The following CTNNA1 variants were observed in gnomAD, a reference collection of about 807,000 sequenced individuals.
CTNNA1 encodes the protein catenin alpha-1.
CTNNA1 carries 37 observed loss-of-function variants against 98.4 expected under a neutral mutation model. That is an observed-to-expected ratio of 0.38 (90% CI 0.29 to 0.49). CTNNA1 has a LOEUF of 0.49. Ranked by LOEUF, CTNNA1 falls within the 20% of genes least tolerant of loss-of-function variation. The probability of loss-of-function intolerance (pLI) is 0.95; values close to 1 mark genes in which losing one functional copy is unlikely to be tolerated. For missense variants in CTNNA1, 761 were observed against 1,147.2 expected, an observed-to-expected ratio of 0.66 and a Z score of 4.86; for synonymous variants, 404 against 413.2, an observed-to-expected ratio of 0.98 and a Z score of 0.27.
chr5:138,807,369 C>T (rs1441254206), intron 3 of CTNNA1, among the ~76,000 whole-genome samples: 2 of 151,834 alleles, frequency 1.3e-5, no homozygotes, highest in Non-Finnish European at 2.9e-5. Flanking sequence ...CTTAACTCTG[C>T]TGCCCACATC....
chr5:138,836,755 A>G (rs1761809627), intron 7 of CTNNA1, among the ~76,000 whole-genome samples: 1 of 152,212 alleles, frequency 6.6e-6, no homozygotes, highest in Admixed American at 6.5e-5. Flanking sequence ...TGTGCTGTTT[A>G]GCCATCAAGC....
chr5:138,880,845 C>G (rs1752737477), intron 7 of CTNNA1: 1 of 337,616 alleles, frequency 3.0e-6, no homozygotes, highest in Admixed American at 3.8e-5. Flanking sequence ...TATATGCTAG[C>G]ACTTAAGGTT....
At chr5:138,853,801 T>G (rs1358004846) in intron 7 of CTNNA1, among the ~76,000 whole-genome samples, 1 of 152,236 alleles carries the variant, frequency 6.6e-6, no homozygotes, top group African/African-American at 2.4e-5. Context: ...AATTTGGTGT[T>G]TCTAGGGAAG....
intron 2 of CTNNA1, among the ~76,000 whole-genome samples, chr5:138,782,821 A>T (rs923862821): frequency 2.6e-5 from 4 of 152,244 alleles, no homozygotes; most frequent in Non-Finnish European, 4.4e-5. Flanking sequence ...ATCTCCAGAT[A>T]AAGCTAAGTT....
chr5:138,838,921 G>A (rs866053917), intron 7 of CTNNA1, among the ~76,000 whole-genome samples: 2 of 151,842 alleles, frequency 1.3e-5, no homozygotes, highest in Non-Finnish European at 2.9e-5. Context: ...GTGAGCTACC[G>A]TGCCCGGCCT....
At chr5:138,765,938 A>G (rs1752882362) in intron 1 of CTNNA1, among the ~76,000 whole-genome samples, 1 of 127,278 alleles carries the variant, frequency 7.9e-6, no homozygotes, top group African/African-American at 3.2e-5. Context: ...ATAGAGTGAG[A>G]CTCTGTCTCA....
At chr5:138,819,265 A>AG (rs1192959641) in intron 5 of CTNNA1, among the ~76,000 whole-genome samples, 2 of 152,180 alleles carry the variant, frequency 1.3e-5, no homozygotes, top group African/African-American at 4.8e-5. Flanking sequence ...GTGCAACAGC[A>AG]GCACATATCC....
chr5:138,798,300 G>C (rs1028569515), intron 3 of CTNNA1, among the ~76,000 whole-genome samples: 4 of 152,276 alleles, frequency 2.6e-5, no homozygotes, highest in Middle Eastern at 3.4e-3. Context: ...AACAGCTAGA[G>C]ATAAAACAAC....
At chr5:138,805,198 C>T (rs1269885566) in intron 3 of CTNNA1, among the ~76,000 whole-genome samples, 1 of 152,180 alleles carries the variant, frequency 6.6e-6, no homozygotes, top group Non-Finnish European at 1.5e-5. Flanking sequence ...ACTCATCTCC[C>T]ACCAGGCCCC....
rs1308839539 is a variant in CTNNA1, at chr5:138,844,004, T to A, written c.1062+16286T>A. On this transcript the variant is annotated intron_variant, in intron 7 of 17. Coordinates refer to ENST00000302763, the MANE Select transcript of CTNNA1 (RefSeq NM_001903.5). ...ATTGCCTATTCATCTAGGCATTCCA[T>A]TGTGCAATTCTTAAGGCTTTTTTTG... 2.0e-5 allele frequency among the ~76,000 whole-genome samples: 3 copies of A among 152,314 alleles called. No individual in the cohort carries two copies. The East Asian group carries it at 5.8e-4, about 29-fold the overall frequency.
rs1369656663 is a variant in CTNNA1, at chr5:138,783,194, C to T, written c.123C>T (p.Asn41=). 3 of 1,610,274 alleles carry T rather than the reference C, an allele frequency of 1.9e-6. No individual in the cohort carries two copies. Among genetic ancestry groups the T allele is most frequent in the South Asian group, 1.1e-5 (1 of 90,456 alleles). The stretch of plus-strand genomic sequence containing the variant: ...ACTTTTAGGTTACAACCCTTGTAAA[C>T]ACCAATAGTAAAGGGCCCTCTAATA... ...PLVTQVTTLV[N]TNSKGPSNKK... Residue 41 remains asparagine, a synonymous_variant, in exon 3 of 18, where the codon AAC becomes AAT. Coordinates refer to ENST00000302763, the MANE Select transcript of CTNNA1 (RefSeq NM_001903.5).
At position 138,924,616 on chromosome 5, in the gene CTNNA1, G is replaced by C; in HGVS notation, c.1653G>C (p.Arg551=). Residue 551 remains arginine (R), a synonymous_variant, in exon 12 of 18, where the codon CGG becomes CGC. Transcript: ENST00000302763. ...GTGCAATTCGAGGCCGGGCAGCCCG[G>C]GTCATTCACGTAGTCACCTCAGAGA... is the stretch of plus-strand genomic sequence containing the variant. ...TAGAIRGRAA[R]VIHVVTSEMD... is the part of the protein sequence containing the mutation. The C allele has an allele frequency of 6.2e-7, 1 of 1,613,758 alleles. No individual in the cohort carries two copies. The highest frequency in any genetic ancestry group is 8.5e-7 in the Non-Finnish European group (1 of 1,179,878).
intron 10 of CTNNA1, among the ~76,000 whole-genome samples, chr5:138,907,433 A>C (rs569585479): frequency 2.9e-4 from 44 of 152,222 alleles, no homozygotes; most frequent in African/African-American, 1.0e-3. Context: ...GGATAACTCA[A>C]ACTCTTCTGT....
At chr5:138,875,106 A>T (rs1448566021) in intron 7 of CTNNA1, 2 of 537,582 alleles carry the variant, frequency 3.7e-6, no homozygotes, top group Admixed American at 7.2e-5. Flanking sequence ...CATTGGTTTC[A>T]TTTTCTGTGA....
chr5:138,781,029 T>G (rs1476609390), intron 1 of CTNNA1, among the ~76,000 whole-genome samples: 2 of 152,200 alleles, frequency 1.3e-5, no homozygotes, highest in Non-Finnish European at 2.9e-5. Flanking sequence ...TACAGTGATA[T>G]TTGACTAAGT....
At chr5:138,923,958 A>G (rs1358279571) in intron 11 of CTNNA1, among the ~76,000 whole-genome samples, 1 of 152,246 alleles carries the variant, frequency 6.6e-6, no homozygotes, top group Non-Finnish European at 1.5e-5. Context: ...GAAGAGGGTT[A>G]TTAAATAGTT....
chr5:138,821,620 C>T lies in CTNNA1; in HGVS notation c.589-2910C>T, dbSNP rs547932402. Among the ~76,000 whole-genome samples the T allele has an allele frequency of 3.0e-4, 45 of 152,276 alleles. 1 individual carries two copies. The South Asian group carries it at 8.7e-3, about 30-fold the overall frequency. ...AGAGAGAAATGAGAGGAAACTTCCA[C>T]TTGAATTTTCAGCTCTTGGTTAGAG... On this transcript the variant is annotated intron_variant, in intron 5 of 17. Coordinates refer to ENST00000302763, the MANE Select transcript of CTNNA1 (RefSeq NM_001903.5).
At chr5:138,785,727 A>AT (rs1755626377) in intron 3 of CTNNA1, among the ~76,000 whole-genome samples, 1 of 152,004 alleles carries the variant, frequency 6.6e-6, no homozygotes, top group South Asian at 2.1e-4. Context: ...CACCCAGCTA[A>AT]TTTTTGTATT....
intron 7 of CTNNA1, among the ~76,000 whole-genome samples, chr5:138,840,692 A>G (rs1581227578): frequency 6.6e-6 from 1 of 151,272 alleles, no homozygotes; most frequent in Non-Finnish European, 1.5e-5. Flanking sequence ...AAGCTTATCA[A>G]TCATAACTTT....
Sources: gnomAD v4.1 joint callset for allele counts (sites outside exome capture counted in the v4.1 genomes callset) on GRCh38, gnomAD v4.1.1 for gene constraint, MANE v1.5 for transcripts, NCBI Gene and HGNC (gene_info 2026-07-23, HGNC 2026-07-21) for gene names.